The following ESR1 variants were observed in gnomAD, a reference collection of about 807,000 sequenced individuals.
ESR1 encodes estrogen receptor 1.
In ESR1, 12 loss-of-function variants were observed where a neutral mutation model predicts 52.7. That is an observed-to-expected ratio of 0.23 (90% CI 0.15 to 0.37). ESR1 has a LOEUF of 0.37. Ranked by LOEUF, ESR1 falls within the 10% of genes least tolerant of loss-of-function variation. The pLI is 1.00. For missense variants in ESR1, 584 were observed against 779.7 expected (o/e 0.75, Z 2.99); for synonymous variants, 305 against 316.8 (o/e 0.96, Z 0.39).
At chr6:152,078,385 G>A (rs9478286) in intron 6 of ESR1, among the ~76,000 whole-genome samples, 32,051 of 151,996 alleles carry the variant, frequency 0.21, 4,753 homozygotes, top group African/African-American at 0.41. Context: ...GAAAGCCAGG[G>A]TTCACCCCTT....
At chr6:151,951,866 A>T (rs529618200) in intron 4 of ESR1, among the ~76,000 whole-genome samples, 2 of 152,296 alleles carry the variant, frequency 1.3e-5, no homozygotes, top group South Asian at 4.1e-4. Context: ...CCCTTCTGCC[A>T]GGGGCTCCAC....
chr6:151,925,310 A>G (rs2032518509), intron 3 of ESR1, among the ~76,000 whole-genome samples: 1 of 152,104 alleles, frequency 6.6e-6, no homozygotes, highest in South Asian at 2.1e-4. Context: ...TGCCCATTTT[A>G]AAAGTGGGGT....
intron 2 of ESR1, among the ~76,000 whole-genome samples, chr6:151,758,734 G>A (rs1784449558): frequency 1.3e-5 from 2 of 149,682 alleles, no homozygotes; most frequent in Non-Finnish European, 3.0e-5. Flanking sequence ...TCCAGCCTGG[G>A]CAACAGAGTG....
chr6:151,830,812 G>A (rs940297454), intron 1 of ESR1, among the ~76,000 whole-genome samples: 6 of 152,110 alleles, frequency 3.9e-5, no homozygotes, highest in Admixed American at 2.6e-4. Context: ...GAGTGGGAAA[G>A]CCTCTTGACA....
chr6:151,781,311 T>A (rs1029944339), intron 2 of ESR1, among the ~76,000 whole-genome samples: 2 of 152,232 alleles, frequency 1.3e-5, no homozygotes, highest in African/African-American at 4.8e-5. Flanking sequence ...GCCTTCTGGA[T>A]GTGTCTACAT....
At chr6:151,829,541 C>T (rs1025594068) in intron 1 of ESR1, among the ~76,000 whole-genome samples, 1 of 152,202 alleles carries the variant, frequency 6.6e-6, no homozygotes, top group African/African-American at 2.4e-5. Flanking sequence ...GCTAAGAAGA[C>T]TTAAATGCAG....
chr6:151,899,381 G>A lies in ESR1; in HGVS notation c.760+18610G>A, dbSNP rs1418359216. Among the ~76,000 whole-genome samples, 10 of 128,218 alleles carry A rather than the reference G, an allele frequency of 7.8e-5. 1 individual carries two copies. Among genetic ancestry groups the A allele is most frequent in the East Asian group, 2.5e-4 (1 of 4,068 alleles). The allele number at this position is 128,218 out of a possible 152,430, so 84.1% of individuals were successfully genotyped here. ...CCCCCACCTCCTTCCCGGACGGGGC[G>A]GCTGGCCGGGCAGAGGGGCTCCTCA... On this transcript the variant is annotated intron_variant, in intron 3 of 7. Transcript: ENST00000206249.
intron 4 of ESR1, among the ~76,000 whole-genome samples, chr6:151,966,514 G>A (rs1393826196): frequency 2.0e-5 from 3 of 151,758 alleles, no homozygotes; most frequent in African/African-American, 7.3e-5. Context: ...GATAGATATA[G>A]CATTCCCATT....
Position 152,098,401 on chromosome 6 carries a change from A to AG in ESR1, c.1554-327dup, listed in dbSNP as rs1476405091. 6.6e-6 allele frequency among the ~76,000 whole-genome samples: 1 copy of AG among 151,924 alleles called. No individual in the cohort carries two copies. ...TTTGAATGCATTTAGGTCCTATTGG[A>AG]GGGGAATAGGATCTCATTTGAGGCC... On this transcript the variant is annotated intron_variant, in intron 7 of 7. Coordinates refer to ENST00000206249, the MANE Select transcript of ESR1 (RefSeq NM_000125.4). The surrounding 1 kb of genome is among the most constrained non-coding windows in gnomAD (Gnocchi z 5.1).
At chr6:151,783,627 A>G (rs1411552785) in intron 2 of ESR1, among the ~76,000 whole-genome samples, 2 of 152,242 alleles carry the variant, frequency 1.3e-5, no homozygotes, top group Admixed American at 1.3e-4. Flanking sequence ...AATTGGGAAG[A>G]CAGTAGAGAT....
chr6:151,979,698 T>C (rs763015901), intron 4 of ESR1, among the ~76,000 whole-genome samples: 3 of 152,208 alleles, frequency 2.0e-5, no homozygotes, highest in Non-Finnish European at 4.4e-5. Context: ...TTGAAAATAA[T>C]CTCTTCTAAC....
intron 1 of ESR1, among the ~76,000 whole-genome samples, chr6:151,673,645 G>A (rs771411095): frequency 5.3e-5 from 8 of 152,140 alleles, no homozygotes; most frequent in Non-Finnish European, 7.3e-5. Flanking sequence ...CACTTTGGGA[G>A]GCCGAGGTGG....
intron 3 of ESR1, among the ~76,000 whole-genome samples, chr6:151,935,298 T>C (rs1041138322): frequency 5.3e-5 from 8 of 152,228 alleles, no homozygotes; most frequent in Admixed American, 6.5e-5. Context: ...GTAATTTTGG[T>C]TAGATCACAG....
chr6:151,703,161 G>A (rs2115432814), intron 2 of ESR1, among the ~76,000 whole-genome samples: 1 of 152,266 alleles, frequency 6.6e-6, no homozygotes, highest in South Asian at 2.1e-4. Flanking sequence ...TGGCCTGTTT[G>A]GTGAAGTATT....
At chr6:151,904,888 A>G (rs1224094263) in intron 3 of ESR1, among the ~76,000 whole-genome samples, 1 of 152,196 alleles carries the variant, frequency 6.6e-6, no homozygotes, top group African/African-American at 2.4e-5. Context: ...GCTCATCTAT[A>G]TTTGTTGTTA....
intron 2 of ESR1, among the ~76,000 whole-genome samples, chr6:151,725,062 T>A (rs1781739312): frequency 6.6e-6 from 1 of 152,202 alleles, no homozygotes; most frequent in African/African-American, 2.4e-5. Context: ...CAGAGTCAAG[T>A]ATTTAAAAAG....
chr6:151,995,250 C>T (rs1484508770), intron 4 of ESR1, among the ~76,000 whole-genome samples: 2 of 152,164 alleles, frequency 1.3e-5, no homozygotes, highest in Non-Finnish European at 2.9e-5. Flanking sequence ...TGACATCTGA[C>T]ATGCTTGCCT....
chr6:151,896,137 T>C (rs1462965254), intron 3 of ESR1, among the ~76,000 whole-genome samples: 2 of 152,162 alleles, frequency 1.3e-5, no homozygotes, highest in Non-Finnish European at 2.9e-5. Flanking sequence ...TATTGGCCTG[T>C]AGGTTTCTTT....
chr6:151,794,692 C>G (rs1222659478), intron 2 of ESR1, among the ~76,000 whole-genome samples: 1 of 151,992 alleles, frequency 6.6e-6, no homozygotes, highest in Admixed American at 6.6e-5. Flanking sequence ...GGCATTGCAA[C>G]AATTCATTTC....
Sources: allele counts gnomAD v4.1 joint callset (sites outside exome capture counted in the v4.1 genomes callset), GRCh38; gene constraint gnomAD v4.1.1; non-coding constraint Gnocchi (gnomAD v3.1); transcripts MANE v1.5; gene names NCBI Gene and HGNC (gene_info 2026-07-23, HGNC 2026-07-21).